The following POMK variants were observed in gnomAD, a reference collection of about 807,000 sequenced individuals.
POMK encodes Sugen kinase 196.
In POMK, 19 loss-of-function variants were observed where a neutral mutation model predicts 23.0. That is an observed-to-expected ratio of 0.83 (90% confidence interval 0.58 to 1.21). The LOEUF (loss-of-function observed/expected upper bound fraction) is 1.21. Ranked by LOEUF, POMK falls within the 50% of genes most tolerant of loss-of-function variation. The probability of loss-of-function intolerance (pLI) is 0.00; values close to 1 mark genes in which losing one functional copy is unlikely to be tolerated. For missense variants in POMK, 410 were observed against 431.3 expected (o/e 0.95, Z 0.44); for synonymous variants, 173 against 171.6 (o/e 1.01, Z -0.06).
At chr8:43,108,530 C>T (rs1373562962) in intron 4 of POMK, among the ~76,000 whole-genome samples, 2 of 152,134 alleles carry the variant, frequency 1.3e-5, no homozygotes, top group Non-Finnish European at 2.9e-5. Context: ...CTGTAAATAG[C>T]TTAAAAGAAA....
chr8:43,123,081 C>T lies in POMK; in HGVS notation c.*204C>T, dbSNP rs185672870. On this transcript the variant is annotated 3_prime_UTR_variant, in exon 5 of 5. Transcript: ENST00000331373. ...GATTTTTTTTTTTTTCTTTGAGATG[C>T]GGTCTTGCTCTGTTGCTGAGGCTGG... is the stretch of plus-strand genomic sequence containing the variant. 7.0e-4 allele frequency: 376 copies of T among 536,898 alleles called. No homozygotes were observed. Among genetic ancestry groups the T allele is most frequent in the African/African-American group, 3.1e-3 (160 of 51,918 alleles). 33.3% of individuals were successfully genotyped at this position (536,898 alleles called of 1,614,324 possible). A position where few individuals can be genotyped will look rare whatever the true frequency, so the allele number is the denominator to read the frequency against.
chr8:43,093,855 C>A (rs1811274704), intron 1 of POMK, among the ~76,000 whole-genome samples: 1 of 152,236 alleles, frequency 6.6e-6, no homozygotes. Context: ...GAGGCCGAGG[C>A]GGGAGGATCG....
Position 43,119,582 on chromosome 8 carries a change from G to A in POMK, c.283-2525G>A, listed in dbSNP as rs190397020. On this transcript the variant is annotated intron_variant, in intron 4 of 4. Transcript: ENST00000331373. ...TGAGTAGCTGGGACTGCAGGCGCGC[G>A]CCACCACGCCCAGCTAATTATTTTG... Among the ~76,000 whole-genome samples the A allele has an allele frequency of 2.6e-3, 393 of 151,704 alleles. 2 individuals carry two copies. The highest frequency in any genetic ancestry group is 0.011 in the South Asian group (52 of 4,786).
chr8:43,106,509 C>CTTTTTT (rs1221471764), intron 4 of POMK, among the ~76,000 whole-genome samples: 69 of 115,184 alleles, frequency 6.0e-4, no homozygotes, highest in East Asian at 1.2e-3. Flanking sequence ...TTTACTTTTG[C>CTTTTTT]TTTTTTTTTT....
intron 4 of POMK, among the ~76,000 whole-genome samples, chr8:43,114,384 GA>G (rs1166665275): frequency 6.6e-6 from 1 of 152,224 alleles, no homozygotes; most frequent in Non-Finnish European, 1.5e-5. Flanking sequence ...AGCAATCAGT[GA>G]GACTCCGTGG....
chr8:43,115,601 C>T (rs1294912948), intron 4 of POMK, among the ~76,000 whole-genome samples: 1 of 152,144 alleles, frequency 6.6e-6, no homozygotes, highest in Non-Finnish European at 1.5e-5. Context: ...CAGCCCAGCC[C>T]CCCAAACCAC....
At chr8:43,105,849 G>T (rs1811534125) in intron 4 of POMK, among the ~76,000 whole-genome samples, 1 of 152,202 alleles carries the variant, frequency 6.6e-6, no homozygotes, top group Non-Finnish European at 1.5e-5. Context: ...TTTTAGTAGA[G>T]ATGGGGTTTC....
rs907663234 is a variant in POMK at position 43,119,433 on chromosome 8, C to CTTT, written c.283-2652_283-2650dup. Among the ~76,000 whole-genome samples the CTTT allele has an allele frequency of 8.1e-3, 774 of 95,950 alleles. 7 individuals are homozygous for CTTT. The highest frequency in any genetic ancestry group is 0.011 in the Non-Finnish European group (560 of 49,756). The allele number at this position is 95,950 out of a possible 152,430, so 62.9% of individuals were successfully genotyped here. ...ATGTAGCAGCCAGAGTGAAAAACAG[C>CTTT]TTTTTTTTTTTTTTTTTTTTTTTTG... is the stretch of plus-strand genomic sequence containing the variant. On this transcript the variant is annotated intron_variant, in intron 4 of 4. Transcript: ENST00000331373.
Position 43,114,595 on chromosome 8 carries a change from C to T in POMK, c.283-7512C>T, listed in dbSNP as rs183243974. Among the ~76,000 whole-genome samples the T allele has an allele frequency of 5.9e-5, 9 of 152,372 alleles. No individual in the cohort carries two copies. The South Asian group carries it at 6.2e-4, about 11-fold the overall frequency. On this transcript the variant is annotated intron_variant, in intron 4 of 4. Transcript: ENST00000331373. ...GGCACTGCCTCGCCGTGCTTCGGCT[C>T]GTGCACGGTGCGCTGCACCCACTGT...
chr8:43,102,669 T>C (rs539421034), intron 3 of POMK, 69 bp downstream of exon 3: 2 of 152,572 alleles, frequency 1.3e-5, no homozygotes, highest in Admixed American at 1.3e-4. Context: ...CAGTGCTGTT[T>C]AGCTGGCTCC....
Position 43,123,126 on chromosome 8 carries a change from G to T in POMK, c.*249G>T. 1 of 380,412 alleles carries T rather than the reference G, an allele frequency of 2.6e-6. No homozygotes were observed. Among genetic ancestry groups the T allele is most frequent in the Non-Finnish European group, 4.7e-6 (1 of 210,984 alleles). 23.6% of individuals were successfully genotyped at this position (380,412 alleles called of 1,614,324 possible). On this transcript the variant is annotated 3_prime_UTR_variant, in exon 5 of 5. Transcript: ENST00000331373. ...GGCTGGAGTGCAGTGATGTGATCTT[G>T]GCTCACTGCAGCCTCTGCCTCCCAG...
At chr8:43,111,806 A>G (rs1044791474) in intron 4 of POMK, among the ~76,000 whole-genome samples, 4 of 152,226 alleles carry the variant, frequency 2.6e-5, no homozygotes, top group Non-Finnish European at 4.4e-5. Context: ...TACCCAGGCA[A>G]ACAGGGTCTG....
rs759091832 is a variant in POMK at position 43,122,598 on chromosome 8, A to G, written c.774A>G (p.Gln258=). The G allele has an allele frequency of 8.1e-6, 13 of 1,614,114 alleles. No individual in the cohort carries two copies. The Admixed American group carries it at 1.3e-4, about 17-fold the overall frequency. ...ELHGDFVAPE[Q]LWPYGEDVPF... ...ATGGGGATTTCGTGGCTCCAGAGCAACTGTGGCCCTATGGAGAGGACGTGC... is the reference window on the plus strand; with the variant it reads ...ATGGGGATTTCGTGGCTCCAGAGCAGCTGTGGCCCTATGGAGAGGACGTGC... The change falls in exon 5 of 5, where the codon CAA becomes CAG. Residue 258 remains glutamine, a synonymous_variant. Transcript: ENST00000331373.
chr8:43,116,121 TA>T (rs1397130965), intron 4 of POMK, among the ~76,000 whole-genome samples: 16 of 152,276 alleles, frequency 1.1e-4, no homozygotes, highest in Non-Finnish European at 1.6e-4. Flanking sequence ...CAATATACTT[TA>T]TACATTTCCT....
At chr8:43,104,069 TAGG>T (rs544817446) in intron 4 of POMK, among the ~76,000 whole-genome samples, 75 of 152,292 alleles carry the variant, frequency 4.9e-4, no homozygotes, top group African/African-American at 1.8e-3. Flanking sequence ...CATCCAGTGT[TAGG>T]AGCCCTGCTA....
intron 4 of POMK, among the ~76,000 whole-genome samples, chr8:43,104,389 C>T (rs1158581966): frequency 1.3e-5 from 2 of 152,026 alleles, no homozygotes; most frequent in African/African-American, 4.8e-5. Context: ...CCCAATCGGA[C>T]TTTATCTTAA....
chr8:43,112,381 AT>A (rs1811691732), intron 4 of POMK, among the ~76,000 whole-genome samples: 1 of 152,082 alleles, frequency 6.6e-6, no homozygotes, highest in African/African-American at 2.4e-5. Flanking sequence ...ATAATAAGAA[AT>A]GAACAAAGCC....
chr8:43,100,315 C>T (rs761122691), intron 2 of POMK, among the ~76,000 whole-genome samples: 8 of 151,896 alleles, frequency 5.3e-5, no homozygotes, highest in Middle Eastern at 3.4e-3. Context: ...GGCAGCAGAG[C>T]GGGTGAGGGA....
chr8:43,099,219 G>A (rs565275566), intron 2 of POMK, among the ~76,000 whole-genome samples: 3 of 152,348 alleles, frequency 2.0e-5, no homozygotes, highest in African/African-American at 7.2e-5. Flanking sequence ...CCAAAGTGCC[G>A]GGATTACAAG....
Sources: gnomAD v4.1 joint callset for allele counts (sites outside exome capture counted in the v4.1 genomes callset) on GRCh38, gnomAD v4.1.1 for gene constraint, MANE v1.5 for transcripts, NCBI Gene and HGNC (gene_info 2026-07-23, HGNC 2026-07-21) for gene names.